Variants in NELL1 observed in about 807,000 individuals in gnomAD.
The protein encoded by NELL1 is neural EGFL like 1.
Under a neutral mutation model 107.4 loss-of-function variants are expected in NELL1, and 76 were observed. That is an observed-to-expected ratio of 0.71 (90% CI 0.59 to 0.86). The LOEUF (loss-of-function observed/expected upper bound fraction) is 0.86. NELL1 is among the 40% of genes least tolerant of loss of function. The probability of loss-of-function intolerance (pLI) is 0.00; values close to 1 mark genes in which losing one functional copy is unlikely to be tolerated. For missense variants in NELL1, 1,024 were observed against 1,005.5 expected (o/e 1.02, Z -0.25); for synonymous variants, 353 against 341.2 (o/e 1.03, Z -0.38).
At chr11:20,904,706 G>A (rs995488044) in intron 5 of NELL1, among the ~76,000 whole-genome samples, 1 of 152,100 alleles carries the variant, frequency 6.6e-6, no homozygotes, top group African/African-American at 2.4e-5. Context: ...AAGTGTTGAA[G>A]GAGGGTCCCA....
chr11:20,848,958 G>A (rs1848749199), intron 4 of NELL1, among the ~76,000 whole-genome samples: 1 of 152,164 alleles, frequency 6.6e-6, no homozygotes, highest in South Asian at 2.1e-4. Flanking sequence ...AAATATGTCT[G>A]GACAGAGTTT....
chr11:21,500,033 C>T (rs942930694), intron 15 of NELL1, among the ~76,000 whole-genome samples: 2 of 151,998 alleles, frequency 1.3e-5, no homozygotes, highest in Non-Finnish European at 2.9e-5. Context: ...AAAAAGGATA[C>T]GTTTAAGCTT....
intron 2 of NELL1, among the ~76,000 whole-genome samples, chr11:20,705,360 G>A (rs913656317): frequency 3.5e-4 from 53 of 151,862 alleles, no homozygotes; most frequent in Non-Finnish European, 6.6e-4. Flanking sequence ...AAATAATGCC[G>A]CATATCTACA....
At chr11:21,527,118 T>G (rs534540955) in intron 15 of NELL1, among the ~76,000 whole-genome samples, 2 of 152,246 alleles carry the variant, frequency 1.3e-5, no homozygotes, top group African/African-American at 4.8e-5. Flanking sequence ...CCCTAAATCA[T>G]CTCTCTCAAG....
At chr11:21,537,522 A>G (rs1856168345) in intron 16 of NELL1, among the ~76,000 whole-genome samples, 1 of 152,080 alleles carries the variant, frequency 6.6e-6, no homozygotes, top group African/African-American at 2.4e-5. Flanking sequence ...TTCTTCATGG[A>G]GACCCTCCCT....
chr11:21,020,365 G>A (rs2134300819), intron 12 of NELL1, among the ~76,000 whole-genome samples: 1 of 152,210 alleles, frequency 6.6e-6, no homozygotes, highest in Middle Eastern at 3.4e-3. Context: ...AGTGCTCTAA[G>A]TGAACTCACA....
intron 15 of NELL1, among the ~76,000 whole-genome samples, chr11:21,518,164 T>C (rs1231592640): frequency 4.0e-5 from 6 of 151,532 alleles, no homozygotes; most frequent in Non-Finnish European, 7.4e-5. Context: ...GTGCTGATTT[T>C]CCCCCTTTCA....
At chr11:20,858,017 T>G (rs897028876) in intron 4 of NELL1, among the ~76,000 whole-genome samples, 4 of 152,164 alleles carry the variant, frequency 2.6e-5, no homozygotes, top group Non-Finnish European at 4.4e-5. Context: ...ACAGTTGTCA[T>G]GTGCACAGCT....
In NELL1 at chr11:20,782,599, A is replaced by AG. The variant is rs1268634937; in HGVS notation, c.185-1080dup. On this transcript the variant is annotated intron_variant, in intron 2 of 19. Transcript: ENST00000357134. ...TGAGATTCTTCAAGGTCCGTATACC[A>AG]GTCTGTGATATTGCTTGGGCAGTGC... Among the ~76,000 whole-genome samples the AG allele has an allele frequency of 6.6e-5, 10 of 152,302 alleles. 1 individual carries two copies. The South Asian group carries it at 1.0e-3, about 16-fold the overall frequency.
intron 15 of NELL1, among the ~76,000 whole-genome samples, chr11:21,473,882 G>C (rs541871035): frequency 6.6e-6 from 1 of 152,040 alleles, no homozygotes; most frequent in African/African-American, 2.4e-5. Flanking sequence ...AAGTCTTTAG[G>C]TTCCAACAGA....
chr11:21,349,286 A>G (rs1282830089), intron 14 of NELL1, among the ~76,000 whole-genome samples: 118 of 152,308 alleles, frequency 7.7e-4, no homozygotes, highest in Non-Finnish European at 1.0e-4. Context: ...AAAAGCATTA[A>G]CATGTATGAC....
chr11:20,950,987 G>A (rs930790623), intron 11 of NELL1, among the ~76,000 whole-genome samples: 1 of 152,138 alleles, frequency 6.6e-6, no homozygotes, highest in Non-Finnish European at 1.5e-5. Context: ...ACCCTATGAC[G>A]GTATCATTCC....
At position 21,497,792 on chromosome 11, in the gene NELL1, T is replaced by G. The variant is rs139309098; in HGVS notation, c.1646-36582T>G. Among the ~76,000 whole-genome samples, 677 of 152,174 alleles carry G rather than the reference T, an allele frequency of 4.4e-3. 5 individuals are homozygous for G. Among genetic ancestry groups the G allele is most frequent in the African/African-American group, 0.016 (656 of 41,536 alleles). The stretch of plus-strand genomic sequence containing the variant: ...TTTTCAACAATAATTTATGTCAGAT[T>G]CTACTTGAATTCATGAGTATTCACT... On this transcript the variant is annotated intron_variant, in intron 15 of 19. Coordinates refer to ENST00000357134, the MANE Select transcript of NELL1 (RefSeq NM_006157.5).
chr11:21,057,027 T>TTA (rs1275686017), intron 12 of NELL1, among the ~76,000 whole-genome samples: 1 of 152,032 alleles, frequency 6.6e-6, no homozygotes, highest in Non-Finnish European at 1.5e-5. Flanking sequence ...GAAAAGGGGT[T>TTA]TATGAGTTTT....
chr11:21,061,059 A>G (rs1478728770), intron 12 of NELL1, among the ~76,000 whole-genome samples: 3 of 152,304 alleles, frequency 2.0e-5, no homozygotes, highest in African/African-American at 7.2e-5. Flanking sequence ...TTATGCCTAA[A>G]GGGACTTTGA....
At chr11:21,139,314 G>C (rs764287070) in intron 13 of NELL1, among the ~76,000 whole-genome samples, 1 of 152,132 alleles carries the variant, frequency 6.6e-6, no homozygotes, top group Non-Finnish European at 1.5e-5. Context: ...CTAACTCAGG[G>C]ACACTTGCTT....
rs1301336035 is a variant in NELL1 at position 20,715,298 on chromosome 11, T to G, written c.184+37238T>G. ...ATGGATGACTGCCATTTGAGCTGGG[T>G]TTTTGTTTTTTTTTTTTTTTAAAGA... is the stretch of plus-strand genomic sequence containing the variant. On this transcript the variant is annotated intron_variant, in intron 2 of 19. Transcript: ENST00000357134. Among the ~76,000 whole-genome samples, 13 of 12,020 alleles carry G rather than the reference T, an allele frequency of 1.1e-3. No homozygotes were observed. The Non-Finnish European group carries it at 0.012, about 11-fold the overall frequency. The allele number at this position is 12,020 out of a possible 152,430, so 7.9% of individuals were successfully genotyped here.
chr11:21,506,586 G>A (rs753009696), intron 15 of NELL1, among the ~76,000 whole-genome samples: 6 of 152,162 alleles, frequency 3.9e-5, no homozygotes, highest in Non-Finnish European at 5.9e-5. Context: ...GGGACATGGG[G>A]CCAACAATTT....
At chr11:21,120,184 G>C (rs1855332397) in intron 13 of NELL1, among the ~76,000 whole-genome samples, 1 of 152,034 alleles carries the variant, frequency 6.6e-6, no homozygotes, top group African/African-American at 2.4e-5. Flanking sequence ...TAATTTAATG[G>C]TTTGAATTAA....
Sources: allele counts gnomAD v4.1 joint callset (sites outside exome capture counted in the v4.1 genomes callset), GRCh38; gene constraint gnomAD v4.1.1; transcripts MANE v1.5; gene names NCBI Gene and HGNC (gene_info 2026-07-23, HGNC 2026-07-21).